Variants in ANKFN1 observed in about 807,000 individuals in gnomAD.
ANKFN1 encodes the protein ankyrin repeat and fibronectin type-III domain-containing protein 1.
A neutral mutation model predicts 108.7 loss-of-function variants in ANKFN1; 74 were observed. The ratio of observed to expected loss-of-function variants is 0.68; its 90% CI spans 0.56 to 0.83. The LOEUF is 0.83. Ranked by LOEUF, ANKFN1 falls within the 40% of genes least tolerant of loss-of-function variation. The pLI, the probability that ANKFN1 is intolerant of heterozygous loss-of-function variation, is 0.00. For synonymous variants in ANKFN1, 547 were observed against 516.2 expected (o/e 1.06, Z -0.81); for missense variants, 1,505 against 1,382.3 (o/e 1.09, Z -1.41).
intron 2 of ANKFN1, among the ~76,000 whole-genome samples, chr17:56,220,806 G>GT (rs1567845889): frequency 2.0e-4 from 15 of 73,902 alleles, no homozygotes; most frequent in South Asian, 1.2e-3. Context: ...AAGGGAGGGA[G>GT]GGAGGAAGGA....
chr17:56,391,822 G>T (rs1473781972), intron 8 of ANKFN1, among the ~76,000 whole-genome samples: 1 of 152,104 alleles, frequency 6.6e-6, no homozygotes, highest in Non-Finnish European at 1.5e-5. Context: ...CTCCCACCAG[G>T]CTGTAAGTCT....
At chr17:56,440,109 A>G (rs529475607) in intron 8 of ANKFN1, among the ~76,000 whole-genome samples, 2 of 152,240 alleles carry the variant, frequency 1.3e-5, no homozygotes, top group East Asian at 1.9e-4. Flanking sequence ...ATAAGTTTTT[A>G]TTATTCTTTT....
chr17:56,429,540 A>G (rs2048684883), intron 8 of ANKFN1, among the ~76,000 whole-genome samples: 2 of 152,228 alleles, frequency 1.3e-5, no homozygotes, highest in African/African-American at 4.8e-5. Flanking sequence ...CATAAAAACC[A>G]CTTTTAGCTC....
chr17:56,224,838 G>A (rs185300974), intron 2 of ANKFN1: 1 of 152,398 alleles, frequency 6.6e-6, no homozygotes, highest in Non-Finnish European at 1.5e-5. Flanking sequence ...ACCAAAGAAT[G>A]TGTCCAAGGG....
intron 19 of ANKFN1, among the ~76,000 whole-genome samples, chr17:56,493,022 C>T (rs889928672): frequency 7.2e-5 from 11 of 152,094 alleles, no homozygotes; most frequent in African/African-American, 2.2e-4. Flanking sequence ...ACTCAATTCA[C>T]AAAATGAGTA....
chr17:56,308,510 T>A (rs2044910711), intron 3 of ANKFN1, among the ~76,000 whole-genome samples: 1 of 152,186 alleles, frequency 6.6e-6, no homozygotes, highest in Non-Finnish European at 1.5e-5. Flanking sequence ...TGGTTTTATT[T>A]TTTCATGCCA....
At chr17:56,499,905 T>C (rs757649896) in intron 20 of ANKFN1, among the ~76,000 whole-genome samples, 1 of 152,212 alleles carries the variant, frequency 6.6e-6, no homozygotes, top group Non-Finnish European at 1.5e-5. Context: ...CTTTCTTGAT[T>C]CTATAGTTTG....
chr17:56,368,934 C>A (rs1336506211), intron 6 of ANKFN1, among the ~76,000 whole-genome samples: 2 of 152,188 alleles, frequency 1.3e-5, no homozygotes, highest in Non-Finnish European at 1.5e-5. Flanking sequence ...CATCCTACCC[C>A]TTTGCACTTG....
At chr17:56,156,026 G>A (rs1909079745) in intron 1 of ANKFN1, among the ~76,000 whole-genome samples, 1 of 151,808 alleles carries the variant, frequency 6.6e-6, no homozygotes, top group African/African-American at 2.4e-5. Flanking sequence ...GTGTAATTTG[G>A]GCAAGTTATT....
At position 56,364,069 on chromosome 17, in the gene ANKFN1, G is replaced by T. The variant is rs577531487; in HGVS notation, c.602-8577G>T. Among the ~76,000 whole-genome samples, 5 of 152,194 alleles carry T rather than the reference G, an allele frequency of 3.3e-5. No homozygotes were observed. In the East Asian group the frequency reaches 9.6e-4, roughly 29 times the overall value. On this transcript the variant is annotated intron_variant, in intron 6 of 20. Transcript: ENST00000682825. Reference sequence around the variant, plus strand: ...ATTGTACATTTCAAAATTGGTAAAAGAGTAAATTCCAAATGTTCTCACCAC... The same window carrying T: ...ATTGTACATTTCAAAATTGGTAAAATAGTAAATTCCAAATGTTCTCACCAC...
At chr17:56,240,362 T>C (rs541420702) in intron 3 of ANKFN1, among the ~76,000 whole-genome samples, 3 of 152,246 alleles carry the variant, frequency 2.0e-5, no homozygotes, top group Admixed American at 6.5e-5. Flanking sequence ...CAACTGAACA[T>C]GTGGGTATGA....
intron 3 of ANKFN1, among the ~76,000 whole-genome samples, chr17:56,293,587 G>A (rs2044425822): frequency 6.6e-6 from 1 of 152,152 alleles, no homozygotes; most frequent in Non-Finnish European, 1.5e-5. Context: ...TGGTGACTGT[G>A]GGACAGTGGG....
intron 11 of ANKFN1, among the ~76,000 whole-genome samples, chr17:56,452,346 A>G (rs958693840): frequency 2.6e-5 from 4 of 152,210 alleles, no homozygotes; most frequent in Admixed American, 6.5e-5. Flanking sequence ...GAAGTACAGT[A>G]TAGAAGCCAC....
chr17:56,477,089 G>T (rs2044160), intron 15 of ANKFN1, among the ~76,000 whole-genome samples: 116,531 of 152,066 alleles, frequency 0.77, 44,945 homozygotes, highest in East Asian at 0.97. Context: ...CCTTAACTGT[G>T]CTGTCAGCTT....
intron 4 of ANKFN1, among the ~76,000 whole-genome samples, chr17:56,110,371 C>T (rs1449134026): frequency 6.6e-6 from 1 of 152,192 alleles, no homozygotes; most frequent in Non-Finnish European, 1.5e-5. Context: ...GATATTCCCT[C>T]CTCCACCCTC....
chr17:56,066,682 A>G (rs1431988784), intron 4 of ANKFN1, among the ~76,000 whole-genome samples: 1 of 152,146 alleles, frequency 6.6e-6, no homozygotes, highest in Non-Finnish European at 1.5e-5. Context: ...TGTGCAACCA[A>G]TCTCCAGAAC....
At chr17:56,127,904 A>G (rs556469920) in intron 4 of ANKFN1, among the ~76,000 whole-genome samples, 1 of 152,352 alleles carries the variant, frequency 6.6e-6, no homozygotes, top group African/African-American at 2.4e-5. Context: ...GGTATCTGGA[A>G]GATCCTTGCT....
intron 15 of ANKFN1, among the ~76,000 whole-genome samples, chr17:56,474,657 T>C (rs2050438255): frequency 6.6e-6 from 1 of 152,190 alleles, no homozygotes; most frequent in Non-Finnish European, 1.5e-5. Context: ...GCCACATCTG[T>C]TTGTCTAGCA....
chr17:56,396,458 G>C (rs1436788879), intron 8 of ANKFN1, among the ~76,000 whole-genome samples: 1 of 151,982 alleles, frequency 6.6e-6, no homozygotes, highest in Non-Finnish European at 1.5e-5. Context: ...CAAAAAAAAA[G>C]AACATCGAAC....
Sources: gnomAD v4.1 joint callset for allele counts (sites outside exome capture counted in the v4.1 genomes callset) on GRCh38, gnomAD v4.1.1 for gene constraint, MANE v1.5 for transcripts, NCBI Gene and HGNC (gene_info 2026-07-23, HGNC 2026-07-21) for gene names.